SLIT3: variants seen among roughly 807,000 people sequenced by gnomAD.
The protein encoded by SLIT3 is slit guidance ligand 3.
Under a neutral mutation model 184.0 loss-of-function variants are expected in SLIT3, and 68 were observed. The observed-to-expected ratio is 0.37, with a 90% CI of 0.30 to 0.45. The LOEUF (loss-of-function observed/expected upper bound fraction) is 0.45. SLIT3 is among the 20% of genes least tolerant of loss of function. SLIT3 has a pLI of 1.00. For synonymous variants in SLIT3, 831 were observed against 828.6 expected (o/e 1.00, Z -0.05); for missense variants, 1,707 against 2,026.0 (o/e 0.84, Z 3.02).
intron 7 of SLIT3, among the ~76,000 whole-genome samples, chr5:168,819,638 G>C (rs770059994): frequency 6.6e-6 from 1 of 152,246 alleles, no homozygotes; most frequent in Admixed American, 6.5e-5. Context: ...TCAAGGGTAA[G>C]AGATCAATGG....
At chr5:168,795,390 G>C (rs992454677) in intron 10 of SLIT3, 117 bp downstream of exon 10, 3 of 784,232 alleles carry the variant, frequency 3.8e-6, no homozygotes, top group Non-Finnish European at 4.5e-6. Context: ...GTCTGAAACA[G>C]AACTGCCCAG....
intron 4 of SLIT3, among the ~76,000 whole-genome samples, chr5:168,886,758 G>A (rs1760232517): frequency 6.6e-6 from 1 of 152,158 alleles, no homozygotes; most frequent in Admixed American, 6.5e-5. Flanking sequence ...GGGGAGTAGG[G>A]CTAGGAATTG....
intron 5 of SLIT3, among the ~76,000 whole-genome samples, chr5:168,868,078 C>G (rs1759372472): frequency 6.6e-6 from 1 of 152,158 alleles, no homozygotes. Flanking sequence ...GTTTCTAAAT[C>G]AGAGAAAATC....
intron 4 of SLIT3, among the ~76,000 whole-genome samples, chr5:169,043,001 T>C (rs1438281765): frequency 2.0e-5 from 3 of 152,212 alleles, no homozygotes; most frequent in African/African-American, 7.2e-5. Context: ...CATCCATTAT[T>C]TATAGAATGA....
chr5:168,698,079 C>T (rs1762112077), intron 27 of SLIT3, among the ~76,000 whole-genome samples: 2 of 152,298 alleles, frequency 1.3e-5, no homozygotes, highest in South Asian at 4.1e-4. Flanking sequence ...CAGATCTCAT[C>T]TCCTGTGTTG....
At position 169,159,928 on chromosome 5, in the gene SLIT3, T is replaced by C. The variant is rs553678084; in HGVS notation, c.413+33551A>G. ...CATTCTGCCTCTTAGAAAATGTATA[T>C]AATGGCTGCCACTCCAACTTAGACT... On this transcript the variant is annotated intron_variant, in intron 4 of 35. Transcript: ENST00000519560. Among the ~76,000 whole-genome samples the C allele has an allele frequency of 2.6e-5, 4 of 152,302 alleles. No homozygotes were observed. In the South Asian group the frequency reaches 8.3e-4, roughly 32 times the overall value.
At chr5:169,080,677 C>T (rs1396934760) in intron 4 of SLIT3, among the ~76,000 whole-genome samples, 2 of 152,290 alleles carry the variant, frequency 1.3e-5, no homozygotes, top group South Asian at 2.1e-4. Flanking sequence ...AACCATCAGC[C>T]ACTCTACCAT....
chr5:169,228,219 C>T (rs1764875145), intron 3 of SLIT3, among the ~76,000 whole-genome samples: 1 of 152,078 alleles, frequency 6.6e-6, no homozygotes, highest in Non-Finnish European at 1.5e-5. Flanking sequence ...GGGAGAAAAA[C>T]CTAGCAGTGC....
intron 25 of SLIT3, chr5:168,708,482 C>A: frequency 3.5e-6 from 1 of 288,966 alleles, no homozygotes; most frequent in Non-Finnish European, 6.7e-6. Context: ...TTTTTCTACC[C>A]ACAAACACCC....
At chr5:168,783,182 G>A (rs527452858) in intron 12 of SLIT3, among the ~76,000 whole-genome samples, 3 of 152,192 alleles carry the variant, frequency 2.0e-5, no homozygotes, top group East Asian at 3.9e-4. Context: ...TAAACTGAAG[G>A]GGGTAACTTG....
intron 4 of SLIT3, among the ~76,000 whole-genome samples, chr5:169,190,304 G>T (rs72833941): frequency 0.014 from 2,204 of 152,290 alleles, 34 homozygotes; most frequent in Non-Finnish European, 0.022. Context: ...TTTTGCATTA[G>T]CTCACAAACA....
At chr5:168,954,065 G>C (rs1762744469) in intron 4 of SLIT3, among the ~76,000 whole-genome samples, 1 of 152,016 alleles carries the variant, frequency 6.6e-6, no homozygotes, top group Non-Finnish European at 1.5e-5. Flanking sequence ...TCACTCCAGA[G>C]CCCAACAGTT....
At chr5:168,746,350 T>TGTGTGGTGGTGTGTGGTGTGTGG (rs1581031097) in intron 20 of SLIT3, among the ~76,000 whole-genome samples, 2 of 85,024 alleles carry the variant, frequency 2.4e-5, no homozygotes, top group African/African-American at 1.1e-4. Context: ...GTGGTGTGGG[T>TGTGTGGTGGTGTGTGGTGTGTGG]GTGTGGTGGT....
intron 3 of SLIT3, among the ~76,000 whole-genome samples, chr5:169,208,750 G>T (rs1473496402): frequency 6.6e-6 from 1 of 152,056 alleles, no homozygotes; most frequent in Non-Finnish European, 1.5e-5. Context: ...AACTGAAACT[G>T]GACCCCTTCC....
At chr5:169,229,065 G>A (rs1400543829) in intron 3 of SLIT3, among the ~76,000 whole-genome samples, 7 of 152,074 alleles carry the variant, frequency 4.6e-5, no homozygotes, top group South Asian at 2.1e-4. Flanking sequence ...GAAGCCGTGC[G>A]CACACACACA....
intron 4 of SLIT3, among the ~76,000 whole-genome samples, chr5:169,031,714 C>T (rs187000967): frequency 1.1e-4 from 17 of 152,244 alleles, no homozygotes; most frequent in African/African-American, 3.4e-4. Context: ...AGCAGGGCAT[C>T]GAATTCATAC....
intron 30 of SLIT3, 121 bp downstream of exon 30, chr5:168,686,858 C>A (rs931414789): frequency 1.2e-5 from 14 of 1,190,908 alleles, no homozygotes; most frequent in Non-Finnish European, 1.6e-5. Context: ...AAGGCATCAC[C>A]CAGAACCGGG....
chr5:169,048,613 C>A lies in SLIT3; in HGVS notation c.413+144866G>T, dbSNP rs1041152413. Among the ~76,000 whole-genome samples the A allele has an allele frequency of 5.9e-5, 9 of 152,182 alleles. No individual in the cohort carries two copies. The East Asian group carries it at 1.7e-3, about 29-fold the overall frequency. ...TTACAGACTTCTTCCAGTGTTGCTA[C>A]CAAGTACTCAAAATAGCTTGTCCTT... On this transcript the variant is annotated intron_variant, in intron 4 of 35. Transcript: ENST00000519560.
rs1218557685 is a variant in SLIT3, at chr5:169,109,899, T to G, written c.413+83580A>C. On this transcript the variant is annotated intron_variant, in intron 4 of 35. Coordinates refer to ENST00000519560, the MANE Select transcript of SLIT3 (RefSeq NM_003062.4). ...CCTTTGTCACATGGTTTTGGAGGGC[T>G]TACCGTGTGCCAGTTGCTGAGATAT... Among the ~76,000 whole-genome samples the G allele has an allele frequency of 2.6e-5, 4 of 152,210 alleles. No homozygotes were observed. In the East Asian group the frequency reaches 5.8e-4, roughly 22 times the overall value.
Sources: gnomAD v4.1 joint callset for allele counts (sites outside exome capture counted in the v4.1 genomes callset) on GRCh38, gnomAD v4.1.1 for gene constraint, MANE v1.5 for transcripts, NCBI Gene and HGNC (gene_info 2026-07-23, HGNC 2026-07-21) for gene names.